Variants in DNER observed in about 807,000 individuals in gnomAD.
DNER encodes the protein delta and Notch-like epidermal growth factor-related receptor.
In DNER, 33 loss-of-function variants were observed where a neutral mutation model predicts 78.2. That is an observed-to-expected ratio of 0.42 (90% CI 0.32 to 0.56). The LOEUF (loss-of-function observed/expected upper bound fraction) is 0.56, where lower values mean the gene tolerates loss of function less well. Among genes scored for constraint, DNER ranks in the 20% least tolerant of loss-of-function variants. The pLI is 0.11. For synonymous variants in DNER, 417 were observed against 384.8 expected (o/e 1.08, Z -0.98); for missense variants, 918 against 975.3 (o/e 0.94, Z 0.78).
chr2:229,534,193 CGTAACAGACCAATAGATTGTAAT>C (rs1400709956), intron 5 of DNER, among the ~76,000 whole-genome samples: 200 of 149,816 alleles, frequency 1.3e-3, no homozygotes, highest in African/African-American at 4.2e-3. Context: ...TAGATTGTAA[CGTAACAGACCAATAGATTGTAAT>C]GTAACAGACC....
chr2:229,707,235 A>G (rs1038973071), intron 1 of DNER, among the ~76,000 whole-genome samples: 16 of 121,698 alleles, frequency 1.3e-4, no homozygotes, highest in African/African-American at 4.9e-4. Flanking sequence ...CGGTTTCACC[A>G]TGTTGGCCAG....
chr2:229,426,467 T>C (rs957326947), intron 8 of DNER, among the ~76,000 whole-genome samples: 4 of 133,274 alleles, frequency 3.0e-5, no homozygotes, highest in South Asian at 4.9e-4. Flanking sequence ...AAAAAAAAGA[T>C]ATGGGTCACA....
chr2:229,399,600 G>A (rs536828862), intron 10 of DNER, among the ~76,000 whole-genome samples: 1 of 151,994 alleles, frequency 6.6e-6, no homozygotes, highest in South Asian at 2.1e-4. Flanking sequence ...AAAAAAATAA[G>A]GTGGTAGGAA....
At chr2:229,661,341 T>A (rs551578326) in intron 1 of DNER, among the ~76,000 whole-genome samples, 1 of 152,308 alleles carries the variant, frequency 6.6e-6, no homozygotes, top group South Asian at 2.1e-4. Context: ...ACTCAGTACA[T>A]GATTCATTGC....
intron 6 of DNER, among the ~76,000 whole-genome samples, chr2:229,481,740 T>C (rs1695162771): frequency 6.6e-6 from 1 of 152,236 alleles, no homozygotes; most frequent in Admixed American, 6.5e-5. Flanking sequence ...ATACCAACTA[T>C]GACTAATATT....
chr2:229,529,152 A>G (rs1696258756), intron 5 of DNER, among the ~76,000 whole-genome samples: 1 of 152,192 alleles, frequency 6.6e-6, no homozygotes, highest in Admixed American at 6.5e-5. Context: ...GGCAAAAGGC[A>G]AGTCTACCTG....
intron 7 of DNER, 104 bp downstream of exon 7, chr2:229,477,036 G>A (rs1023713385): frequency 1.8e-5 from 15 of 855,114 alleles, no homozygotes; most frequent in Admixed American, 3.0e-5. Flanking sequence ...AAAACAGGAA[G>A]TTCTCTTGTG....
At chr2:229,534,444 G>A (rs990995659) in intron 5 of DNER, among the ~76,000 whole-genome samples, 3 of 152,206 alleles carry the variant, frequency 2.0e-5, no homozygotes, top group Admixed American at 6.5e-5. Flanking sequence ...GACTGAAAGC[G>A]TTTGACATGG....
At chr2:229,691,972 T>C (rs1432655820) in intron 1 of DNER, among the ~76,000 whole-genome samples, 1 of 152,172 alleles carries the variant, frequency 6.6e-6, no homozygotes, top group African/African-American at 2.4e-5. Flanking sequence ...AGTGTGAACC[T>C]GGAGCTGTCA....
At chr2:229,427,763 G>A (rs1574838749) in intron 8 of DNER, among the ~76,000 whole-genome samples, 1 of 152,160 alleles carries the variant, frequency 6.6e-6, no homozygotes, top group African/African-American at 2.4e-5. Flanking sequence ...ACCCACTGTA[G>A]AGCAAAGGGC....
chr2:229,595,284 AT>A (rs11389038), intron 1 of DNER, among the ~76,000 whole-genome samples: 4,952 of 145,472 alleles, frequency 0.034, 224 homozygotes, highest in African/African-American at 0.1. Context: ...GTATTCACTA[AT>A]TTTTTTTTTT....
chr2:229,615,551 T>G (rs1698140136), intron 1 of DNER, among the ~76,000 whole-genome samples: 1 of 149,750 alleles, frequency 6.7e-6, no homozygotes, highest in African/African-American at 2.5e-5. Flanking sequence ...CTACTAAAAA[T>G]ACAAAAAAAA....
chr2:229,365,698 T>C lies in DNER; in HGVS notation c.2102+1175A>G, dbSNP rs146190158. Among the ~76,000 whole-genome samples, 327 of 152,278 alleles carry C rather than the reference T, an allele frequency of 2.1e-3. 2 individuals are homozygous for C. The highest frequency in any genetic ancestry group is 7.5e-3 in the African/African-American group (313 of 41,560). ...TGATCCACCTGCCTTGGCCTCCCAA[T>C]GTGCTGGGATTGCAGGCGTGAGGCA... On this transcript the variant is annotated intron_variant, in intron 12 of 12. Coordinates refer to ENST00000341772, the MANE Select transcript of DNER (RefSeq NM_139072.4).
intron 4 of DNER, among the ~76,000 whole-genome samples, chr2:229,572,733 G>A (rs1697237447): frequency 6.6e-6 from 1 of 152,138 alleles, no homozygotes; most frequent in Non-Finnish European, 1.5e-5. Context: ...GACAAGATAA[G>A]ATGGATGCAG....
At chr2:229,477,718 T>C (rs777465370) in intron 6 of DNER, among the ~76,000 whole-genome samples, 71 of 152,212 alleles carry the variant, frequency 4.7e-4, no homozygotes, top group Non-Finnish European at 6.8e-4. Flanking sequence ...TATAATATTT[T>C]AGAGCTAGAA....
At chr2:229,480,819 A>G (rs946117675) in intron 6 of DNER, among the ~76,000 whole-genome samples, 2 of 152,230 alleles carry the variant, frequency 1.3e-5, no homozygotes, top group African/African-American at 2.4e-5. Flanking sequence ...CCTGAGCTTT[A>G]AAGTCTTTAT....
intron 1 of DNER, among the ~76,000 whole-genome samples, chr2:229,712,998 G>C (rs989694223): frequency 1.3e-5 from 2 of 152,104 alleles, no homozygotes; most frequent in Non-Finnish European, 2.9e-5. Context: ...ATAATGAAAG[G>C]GCAGCCTTTT....
chr2:229,451,249 G>C (rs957767105), intron 7 of DNER, among the ~76,000 whole-genome samples: 2 of 152,196 alleles, frequency 1.3e-5, no homozygotes, highest in Non-Finnish European at 2.9e-5. Flanking sequence ...ACGAGGTCAG[G>C]AGTCCAAGAC....
At chr2:229,529,589 G>C (rs1696265706) in intron 5 of DNER, among the ~76,000 whole-genome samples, 1 of 152,108 alleles carries the variant, frequency 6.6e-6, no homozygotes, top group African/African-American at 2.4e-5. Flanking sequence ...TTGTTCAACT[G>C]TCCATTACTC....
Sources: gnomAD v4.1 joint callset for allele counts (sites outside exome capture counted in the v4.1 genomes callset) on GRCh38, gnomAD v4.1.1 for gene constraint, MANE v1.5 for transcripts, NCBI Gene and HGNC (gene_info 2026-07-23, HGNC 2026-07-21) for gene names.